The following CBFA2T2 variants were observed in gnomAD, a reference collection of about 807,000 sequenced individuals.
CBFA2T2 encodes CBFA2/RUNX1 partner transcriptional co-repressor 2.
A neutral mutation model predicts 62.2 loss-of-function variants in CBFA2T2; 11 were observed. That is an observed-to-expected ratio of 0.18 (90% CI 0.11 to 0.29). The LOEUF (loss-of-function observed/expected upper bound fraction) is 0.29. CBFA2T2 is among the 10% of genes least tolerant of loss of function. The probability of loss-of-function intolerance (pLI) is 1.00; values close to 1 mark genes in which losing one functional copy is unlikely to be tolerated. For synonymous variants in CBFA2T2, 295 were observed against 287.5 expected (o/e 1.03, Z -0.27); for missense variants, 592 against 774.1 (o/e 0.76, Z 2.79).
At chr20:33,550,712 C>T (rs1226091880) in intron 1 of CBFA2T2, among the ~76,000 whole-genome samples, 3 of 151,742 alleles carry the variant, frequency 2.0e-5, no homozygotes, top group African/African-American at 7.3e-5. Flanking sequence ...AACCTCCGCT[C>T]CCGGGTTCAA....
In CBFA2T2 at chr20:33,545,794, AT is replaced by A. The variant is rs201392699; in HGVS notation, c.34+55496del. Among the ~76,000 whole-genome samples the A allele has an allele frequency of 8.8e-3, 1,334 of 152,300 alleles. 13 individuals carry two copies. Among genetic ancestry groups the A allele is most frequent in the African/African-American group, 0.029 (1,220 of 41,556 alleles). Reference sequence around the variant, plus strand: ...CTACCATAGAAAAACACAGAATTTCATTTCTGTTCATTTAAAATTCTGTGGT... The same window carrying A: ...CTACCATAGAAAAACACAGAATTTCATTCTGTTCATTTAAAATTCTGTGGT... On this transcript the variant is annotated intron_variant, in intron 1 of 10. Coordinates refer to ENST00000342704, the MANE Select transcript of CBFA2T2 (RefSeq NM_001032999.3).
intron 1 of CBFA2T2, among the ~76,000 whole-genome samples, chr20:33,603,208 T>TTA (rs2015204365): frequency 6.6e-6 from 1 of 152,226 alleles, no homozygotes; most frequent in Admixed American, 6.5e-5. Context: ...GTTCTACTCT[T>TTA]TAGTTTCATC....
intron 1 of CBFA2T2, among the ~76,000 whole-genome samples, chr20:33,553,073 A>C (rs1048618759): frequency 6.6e-6 from 1 of 152,124 alleles, no homozygotes; most frequent in African/African-American, 2.4e-5. Context: ...TTGTATGATA[A>C]TTACATTACT....
At chr20:33,550,217 C>T (rs2012699832) in intron 1 of CBFA2T2, among the ~76,000 whole-genome samples, 1 of 152,042 alleles carries the variant, frequency 6.6e-6, no homozygotes, top group Admixed American at 6.6e-5. Context: ...TTGGAAAAAC[C>T]AGTTCAGGGG....
chr20:33,548,637 T>C (rs1463334987), intron 1 of CBFA2T2, among the ~76,000 whole-genome samples: 1 of 152,126 alleles, frequency 6.6e-6, no homozygotes, highest in Non-Finnish European at 1.5e-5. Flanking sequence ...ATTTTAGGCT[T>C]TTCAACCTCA....
chr20:33,576,585 G>A (rs533550583), intron 1 of CBFA2T2, among the ~76,000 whole-genome samples: 5 of 152,330 alleles, frequency 3.3e-5, no homozygotes, highest in Admixed American at 3.3e-4. Flanking sequence ...CAGATAAGAA[G>A]GTCTTTTTTT....
chr20:33,563,739 C>T (rs1016718964), intron 1 of CBFA2T2, among the ~76,000 whole-genome samples: 15 of 152,088 alleles, frequency 9.9e-5, no homozygotes, highest in African/African-American at 3.6e-4. Context: ...AGAAAGCATA[C>T]AAGTTGGTTT....
At chr20:33,606,606 T>G (rs943760774) in intron 1 of CBFA2T2, among the ~76,000 whole-genome samples, 1 of 152,130 alleles carries the variant, frequency 6.6e-6, no homozygotes, top group Admixed American at 6.5e-5. Flanking sequence ...CTGTCGCCAC[T>G]TGGTGTGACT....
intron 1 of CBFA2T2, among the ~76,000 whole-genome samples, chr20:33,561,024 C>T (rs886723936): frequency 6.6e-5 from 10 of 152,056 alleles, no homozygotes; most frequent in Non-Finnish European, 1.0e-4. Flanking sequence ...ATTACAGGTG[C>T]GTACCAACAC....
In CBFA2T2 at chr20:33,649,394, T is replaced by G. The variant is rs1056054622; in HGVS notation, c.*4748T>G. 2.9e-4 allele frequency: 44 copies of G among 152,650 alleles called. No homozygotes were observed. Among genetic ancestry groups the G allele is most frequent in the Non-Finnish European group, 1.5e-5 (1 of 68,042 alleles). 9.5% of individuals were successfully genotyped at this position (152,650 alleles called of 1,614,324 possible). ...AAACGTTGACTACCTGCCTCTTTCC[T>G]CGGGCATCGACGTGCTCATTTCCAA... On this transcript the variant is annotated 3_prime_UTR_variant, in exon 11 of 11. Coordinates refer to ENST00000342704, the MANE Select transcript of CBFA2T2 (RefSeq NM_001032999.3).
intron 1 of CBFA2T2, among the ~76,000 whole-genome samples, chr20:33,548,113 GT>G (rs1402547675): frequency 6.6e-6 from 1 of 151,902 alleles, no homozygotes; most frequent in African/African-American, 2.4e-5. Context: ...AGTATATAAA[GT>G]TGGAAATTAT....
chr20:33,602,455 T>C (rs1412677510), intron 1 of CBFA2T2, among the ~76,000 whole-genome samples: 2 of 148,008 alleles, frequency 1.4e-5, no homozygotes, highest in African/African-American at 5.1e-5. Context: ...AAAAAAAAAC[T>C]CAAAAGCAAT....
chr20:33,501,440 C>G (rs1051855727), intron 1 of CBFA2T2, among the ~76,000 whole-genome samples: 4 of 152,014 alleles, frequency 2.6e-5, no homozygotes, highest in African/African-American at 9.7e-5. Flanking sequence ...GCTACACTAA[C>G]TTTATGTCTG....
At chr20:33,506,526 A>G (rs925150402) in intron 1 of CBFA2T2, among the ~76,000 whole-genome samples, 1 of 152,200 alleles carries the variant, frequency 6.6e-6, no homozygotes, top group Non-Finnish European at 1.5e-5. Context: ...TAGGGCTGCC[A>G]AGGTAGGTAA....
chr20:33,596,880 TG>T (rs1416782276), intron 1 of CBFA2T2, among the ~76,000 whole-genome samples: 1 of 152,050 alleles, frequency 6.6e-6, no homozygotes, highest in Admixed American at 6.6e-5. Context: ...TCCTTCCAGT[TG>T]CTTAGGCTAA....
intron 1 of CBFA2T2, among the ~76,000 whole-genome samples, chr20:33,510,741 C>T (rs2011496141): frequency 6.6e-6 from 1 of 152,166 alleles, no homozygotes; most frequent in African/African-American, 2.4e-5. Flanking sequence ...AACTAGTTTA[C>T]ACTCCCACCC....
rs369305283 is a variant in CBFA2T2 at position 33,624,801 on chromosome 20, C to T, written c.730C>T (p.Pro244Ser). ...ENSFDRDTIA[P>S]EPPAKRVCTI... ...TAGTTTTGATAGAGACACAATTGCT[C>T]CTGAGCCTCCTGCCAAGAGAGTATG... is the stretch of plus-strand genomic sequence containing the variant. The change falls in exon 6 of 11, where the codon CCT (proline) becomes TCT (serine). Residue 244 changes from proline (P) to serine (S), a missense_variant. This residue lies in a region of CBFA2T2 where 449 missense variants were observed against 551.2 expected (regional missense o/e 0.81). Transcript: ENST00000342704. The T allele has an allele frequency of 6.2e-7, 1 of 1,614,048 alleles. No individual in the cohort carries two copies. Among genetic ancestry groups the T allele is most frequent in the Non-Finnish European group, 8.5e-7 (1 of 1,180,020 alleles).
intron 1 of CBFA2T2, among the ~76,000 whole-genome samples, chr20:33,603,797 A>G (rs1799351584): frequency 1.3e-5 from 2 of 152,368 alleles, no homozygotes; most frequent in South Asian, 4.1e-4. Flanking sequence ...CAGCTAGAAT[A>G]TAGCACATAA....
chr20:33,612,466 G>A (rs1315280092), intron 3 of CBFA2T2, among the ~76,000 whole-genome samples: 1 of 152,086 alleles, frequency 6.6e-6, no homozygotes, highest in Non-Finnish European at 1.5e-5. Flanking sequence ...GATCCAGAAG[G>A]TGAAAACTAT....
Sources: gnomAD v4.1 joint callset for allele counts (sites outside exome capture counted in the v4.1 genomes callset) on GRCh38, gnomAD v4.1.1 for gene constraint, gnomAD v4.1.1 regional missense constraint, MANE v1.5 for transcripts, NCBI Gene and HGNC (gene_info 2026-07-23, HGNC 2026-07-21) for gene names.